Variants in SRRM3 observed in about 807,000 individuals in gnomAD.
The protein encoded by SRRM3 is serine/arginine repetitive matrix protein 3.
Under a neutral mutation model 66.2 loss-of-function variants are expected in SRRM3, and 27 were observed. The observed-to-expected ratio is 0.41, with a 90% confidence interval of 0.30 to 0.56. The LOEUF (loss-of-function observed/expected upper bound fraction) is 0.56. SRRM3 is among the 20% of genes least tolerant of loss of function. The pLI, the probability that SRRM3 is intolerant of heterozygous loss-of-function variation, is 0.32. For synonymous variants in SRRM3, 391 were observed against 414.9 expected (o/e 0.94, Z 0.70); for missense variants, 918 against 991.9 (o/e 0.93, Z 1.00).
rs1802510455 is a variant in SRRM3, at chr7:76,281,608, G to A, written c.1176G>A (p.Arg392=). Residue 392 remains arginine, a synonymous_variant, in exon 12 of 15, where the codon AGG becomes AGA. Coordinates refer to ENST00000611745, the MANE Select transcript of SRRM3 (RefSeq NM_001110199.3). ...GAGRRRRRRR[R]RRRSRSSASA... ...GCAGGCGGCGGCGGCGGCGGCGTAG[G>A]CGGCGGCGCTCGCGGTCCTCGGCGT... 2.0e-6 allele frequency: 2 copies of A among 976,254 alleles called. No homozygotes were observed. Among genetic ancestry groups the A allele is most frequent in the Non-Finnish European group, 2.4e-6 (2 of 824,266 alleles). The allele number at this position is 976,254 out of a possible 1,614,324, so 60.5% of individuals were successfully genotyped here. A position where few individuals can be genotyped will look rare whatever the true frequency, so the allele number is the denominator to read the frequency against.
intron 11 of SRRM3, chr7:76,269,834 A>T: frequency 6.8e-6 from 1 of 147,506 alleles, no homozygotes. Context: ...TCTATGTTCT[A>T]GAATTTTCTT....
chr7:76,262,671 C>G (rs931149309), intron 8 of SRRM3, among the ~76,000 whole-genome samples: 1 of 151,982 alleles, frequency 6.6e-6, no homozygotes, highest in Non-Finnish European at 1.5e-5. Flanking sequence ...CAAAAATTAT[C>G]TGGGCATGGT....
At chr7:76,235,446 G>T in intron 2 of SRRM3, 147 bp downstream of exon 2, 1 of 751,632 alleles carries the variant, frequency 1.3e-6, no homozygotes, top group Non-Finnish European at 2.1e-6. Flanking sequence ...TCGGGCGACT[G>T]TGGGAACCCA....
intron 1 of SRRM3, among the ~76,000 whole-genome samples, chr7:76,234,785 C>A (rs1583890831): frequency 6.6e-6 from 1 of 152,228 alleles, no homozygotes; most frequent in East Asian, 1.9e-4. Context: ...TCTTAGAGGC[C>A]ATCCAGTCTG....
At chr7:76,206,581 G>A (rs1327792668) in intron 1 of SRRM3, among the ~76,000 whole-genome samples, 2 of 152,214 alleles carry the variant, frequency 1.3e-5, no homozygotes, top group Admixed American at 6.5e-5. Context: ...CCATCCTGGA[G>A]GCTCAGCCCT....
chr7:76,258,069 A>G (rs1298656448), intron 3 of SRRM3, among the ~76,000 whole-genome samples: 1 of 152,170 alleles, frequency 6.6e-6, no homozygotes, highest in African/African-American at 2.4e-5. Context: ...CTGCGGGAGC[A>G]GGGACAGGAG....
At chr7:76,280,999 CCCT>C (rs1211708997) in intron 11 of SRRM3, among the ~76,000 whole-genome samples, 11 of 143,142 alleles carry the variant, frequency 7.7e-5, no homozygotes, top group African/African-American at 2.9e-4. Context: ...CTCTCTTGCC[CCCT>C]TTTTTCCTTC....
chr7:76,271,182 C>A (rs1802202293), intron 11 of SRRM3, among the ~76,000 whole-genome samples: 1 of 148,318 alleles, frequency 6.7e-6, no homozygotes, highest in Admixed American at 6.7e-5. Context: ...CAAAAGTAGA[C>A]CCCAGGCAGG....
At chr7:76,279,105 A>G (rs1554611518) in intron 11 of SRRM3, among the ~76,000 whole-genome samples, 1 of 152,116 alleles carries the variant, frequency 6.6e-6, no homozygotes, top group East Asian at 1.9e-4. Flanking sequence ...CTAAAAATAC[A>G]AAAATTAGCC....
intron 2 of SRRM3, among the ~76,000 whole-genome samples, chr7:76,239,713 A>G (rs1311694779): frequency 6.6e-6 from 1 of 152,118 alleles, no homozygotes; most frequent in Non-Finnish European, 1.5e-5. Flanking sequence ...AAAACAAAAA[A>G]CAAAAACAAA....
chr7:76,228,442 T>C (rs1465405677), intron 1 of SRRM3, among the ~76,000 whole-genome samples: 1 of 152,044 alleles, frequency 6.6e-6, no homozygotes, highest in Non-Finnish European at 1.5e-5. Context: ...AATCTGTGTC[T>C]TGCTGGGCGC....
intron 2 of SRRM3, among the ~76,000 whole-genome samples, chr7:76,239,978 A>G (rs1239187726): frequency 6.6e-6 from 1 of 151,836 alleles, no homozygotes; most frequent in Non-Finnish European, 1.5e-5. Flanking sequence ...AGCCTGGCCA[A>G]CATGATGAAA....
chr7:76,278,640 G>GT (rs1389648175), intron 11 of SRRM3, among the ~76,000 whole-genome samples: 1 of 152,218 alleles, frequency 6.6e-6, no homozygotes, highest in Non-Finnish European at 1.5e-5. Context: ...ACTTATGCCT[G>GT]TGTCTGCCCC....
chr7:76,221,529 A>AT (rs1554603196), intron 1 of SRRM3, among the ~76,000 whole-genome samples: 2 of 150,394 alleles, frequency 1.3e-5, no homozygotes, highest in Non-Finnish European at 3.0e-5. Flanking sequence ...CGCCCAGCTA[A>AT]TTTTTCATAT....
chr7:76,285,549 C>G lies in SRRM3; in HGVS notation c.1734-66C>G. 1 of 1,377,932 alleles carries G rather than the reference C, an allele frequency of 7.3e-7. No homozygotes were observed. The highest frequency in any genetic ancestry group is 9.9e-7 in the Non-Finnish European group (1 of 1,007,002). The allele number at this position is 1,377,932 out of a possible 1,614,324, so 85.4% of individuals were successfully genotyped here. A position where few individuals can be genotyped will look rare whatever the true frequency, so the allele number is the denominator to read the frequency against. Reference sequence around the variant, plus strand: ...TCAGGGGAAACTGAGGCAGGAAGCCCTGGCCGCTGCTGGGATGGGGCTCGG... The same window carrying G: ...TCAGGGGAAACTGAGGCAGGAAGCCGTGGCCGCTGCTGGGATGGGGCTCGG... On this transcript the variant is annotated intron_variant, in intron 14 of 14. Transcript: ENST00000611745. The surrounding 1 kb of genome is among the most constrained non-coding windows in gnomAD (Gnocchi z 4.1).
At chr7:76,266,406 T>A (rs1563635234) in intron 10 of SRRM3, among the ~76,000 whole-genome samples, 1 of 112,836 alleles carries the variant, frequency 8.9e-6, no homozygotes, top group East Asian at 2.3e-4. Context: ...ATATTTTAAT[T>A]TATATATATT....
chr7:76,227,588 C>G (rs559654518), intron 1 of SRRM3, among the ~76,000 whole-genome samples: 1 of 152,210 alleles, frequency 6.6e-6, no homozygotes, highest in Non-Finnish European at 1.5e-5. Context: ...CCTGCCTTGA[C>G]GAACCAAGCA....
intron 3 of SRRM3, 39 bp from the exon 4 acceptor site, chr7:76,259,864 AGTC>A: frequency 1.3e-6 from 2 of 1,598,270 alleles, no homozygotes; most frequent in Non-Finnish European, 1.7e-6. Context: ...GGTGAAGAAA[AGTC>A]GTCCCGAGAC....
In SRRM3 at chr7:76,201,932, G is replaced by A. The variant is rs117974597; in HGVS notation, c.-175G>A. The A allele has an allele frequency of 0.12, 18,039 of 152,674 alleles. 2,130 individuals are homozygous for A. Among genetic ancestry groups the A allele is most frequent in the African/African-American group, 0.3 (12,485 of 41,528 alleles). The allele number at this position is 152,674 out of a possible 1,614,324, so 9.5% of individuals were successfully genotyped here. A position where few individuals can be genotyped will look rare whatever the true frequency, so the allele number is the denominator to read the frequency against. On this transcript the variant is annotated 5_prime_UTR_variant, in exon 1 of 15. Transcript: ENST00000611745. ...CAGCAAGCGGCGGCAGCACCCGCGG[G>A]GAGGCAGAGGGTGCGGGGCCGTGGG...
Sources: allele counts gnomAD v4.1 joint callset (sites outside exome capture counted in the v4.1 genomes callset), GRCh38; gene constraint gnomAD v4.1.1; non-coding constraint Gnocchi (gnomAD v3.1); transcripts MANE v1.5; gene names NCBI Gene and HGNC (gene_info 2026-07-23, HGNC 2026-07-21).